The following ARB2A variants were observed in gnomAD, a reference collection of about 807,000 sequenced individuals.
ARB2A encodes cotranscriptional regulator ARB2A.
At chr5:93,669,125 T>A in the ARB2A span, among the ~76,000 whole-genome samples, 1 of 152,180 alleles carries the variant, frequency 6.6e-6, no homozygotes, top group Admixed American at 6.5e-5. Flanking sequence ...ATTTATCCCT[T>A]CCTAATTCTA....
the ARB2A span, among the ~76,000 whole-genome samples, chr5:93,959,884 C>T: frequency 1.3e-5 from 2 of 152,050 alleles, no homozygotes; most frequent in African/African-American, 2.4e-5. Context: ...GAGTGGTATA[C>T]CACATCAGCA....
chr5:93,663,945 T>C, the ARB2A span, among the ~76,000 whole-genome samples: 107 of 152,244 alleles, frequency 7.0e-4, no homozygotes, highest in African/African-American at 2.3e-3. Flanking sequence ...ATTAACTGCA[T>C]AATTTAACTC....
chr5:94,024,477 T>C, the ARB2A span, among the ~76,000 whole-genome samples: 2 of 152,120 alleles, frequency 1.3e-5, no homozygotes, highest in Admixed American at 6.5e-5. Flanking sequence ...TATAAACATA[T>C]ATACATATTC....
chr5:94,101,990 A>T, the ARB2A span, among the ~76,000 whole-genome samples: 1 of 151,996 alleles, frequency 6.6e-6, no homozygotes. Flanking sequence ...AGAATACTAA[A>T]GCCCTCCCCG....
chr5:93,770,742 A>G, the ARB2A span, among the ~76,000 whole-genome samples: 39 of 152,336 alleles, frequency 2.6e-4, 2 homozygotes, highest in South Asian at 2.7e-3. Context: ...AATCCAACTT[A>G]CAAGGGACGT....
At chr5:93,729,766 T>G in the ARB2A span, among the ~76,000 whole-genome samples, 2 of 152,222 alleles carry the variant, frequency 1.3e-5, no homozygotes, top group African/African-American at 2.4e-5. Flanking sequence ...GATAGGTAGT[T>G]TTATGGTGAG....
At chr5:94,086,568 T>C in the ARB2A span, among the ~76,000 whole-genome samples, 1 of 152,214 alleles carries the variant, frequency 6.6e-6, no homozygotes, top group African/African-American at 2.4e-5. Flanking sequence ...TTTTGTTTTT[T>C]TGACATGTAG....
the ARB2A span, among the ~76,000 whole-genome samples, chr5:93,625,478 C>T: frequency 6.6e-6 from 1 of 152,046 alleles, no homozygotes; most frequent in Non-Finnish European, 1.5e-5. Context: ...ACCTATTTTT[C>T]ATTTTTCTTA....
the ARB2A span, among the ~76,000 whole-genome samples, chr5:93,832,779 G>C: frequency 6.6e-6 from 1 of 152,014 alleles, no homozygotes; most frequent in Non-Finnish European, 1.5e-5. Context: ...TCCCCTACAA[G>C]TGCTGATCCC....
chr5:93,725,281 A>G, the ARB2A span, among the ~76,000 whole-genome samples: 1 of 152,086 alleles, frequency 6.6e-6, no homozygotes, highest in African/African-American at 2.4e-5. Flanking sequence ...AAGAGGAAGA[A>G]CAGTAGCTGG....
At chr5:93,853,364 C>T in the ARB2A span, among the ~76,000 whole-genome samples, 1 of 152,306 alleles carries the variant, frequency 6.6e-6, no homozygotes, top group Admixed American at 6.5e-5. Flanking sequence ...TGGGCTGAGA[C>T]AATGGAGTTT....
At chr5:93,741,095 T>C in the ARB2A span, 1 of 1,613,794 alleles carries the variant, frequency 6.2e-7, no homozygotes, top group South Asian at 1.1e-5. Flanking sequence ...CTAAGCACCT[T>C]CCCAAACAGA....
the ARB2A span, among the ~76,000 whole-genome samples, chr5:93,949,016 T>C: frequency 5.9e-5 from 9 of 152,158 alleles, no homozygotes; most frequent in Non-Finnish European, 1.0e-4. Context: ...ATATAGATCA[T>C]GTGTATGTGA....
At chr5:93,797,012 T>G in the ARB2A span, among the ~76,000 whole-genome samples, 3 of 152,148 alleles carry the variant, frequency 2.0e-5, no homozygotes, top group Non-Finnish European at 4.4e-5. Flanking sequence ...ATACACTACA[T>G]GTAACAAAAG....
At chr5:93,630,272 T>C in the ARB2A span, among the ~76,000 whole-genome samples, 5 of 152,274 alleles carry the variant, frequency 3.3e-5, no homozygotes, top group East Asian at 9.7e-4. Context: ...CTGGGAGTAG[T>C]GAATGGGGCG....
the ARB2A span, among the ~76,000 whole-genome samples, chr5:93,935,108 T>C: frequency 6.6e-6 from 1 of 151,982 alleles, no homozygotes; most frequent in African/African-American, 2.4e-5. Context: ...GGGTGAGGGA[T>C]AAAAGACTAC....
chr5:93,712,386 C>T, the ARB2A span, among the ~76,000 whole-genome samples: 3 of 152,070 alleles, frequency 2.0e-5, no homozygotes, highest in African/African-American at 7.2e-5. Context: ...ATCCTCAAGG[C>T]AAATGAATCA....
chr5:93,673,843 A>G, the ARB2A span, among the ~76,000 whole-genome samples: 1 of 152,200 alleles, frequency 6.6e-6, no homozygotes, highest in African/African-American at 2.4e-5. Context: ...TTGCCAGAAC[A>G]TATTTTTTTA....
chr5:93,765,141 G>A, the ARB2A span, among the ~76,000 whole-genome samples: 3 of 152,174 alleles, frequency 2.0e-5, no homozygotes, highest in Admixed American at 1.3e-4. Context: ...GCGTAAGACA[G>A]GGATGCCCTC....
Sources: gnomAD v4.1 joint callset for allele counts (sites outside exome capture counted in the v4.1 genomes callset) on GRCh38, gnomAD v4.1.1 for gene constraint, MANE v1.5 for transcripts, NCBI Gene and HGNC (gene_info 2026-07-23, HGNC 2026-07-21) for gene names.